PTPRM: variants seen among roughly 807,000 people sequenced by gnomAD.
The protein encoded by PTPRM is protein tyrosine phosphatase receptor type M.
Under a neutral mutation model 186.7 loss-of-function variants are expected in PTPRM, and 47 were observed. That is an observed-to-expected ratio of 0.25 (90% confidence interval 0.20 to 0.32). The LOEUF (loss-of-function observed/expected upper bound fraction) is 0.32, where lower values mean the gene tolerates loss of function less well. Among genes scored for constraint, PTPRM ranks in the 10% least tolerant of loss-of-function variants. The pLI is 1.00. For missense variants in PTPRM, 1,494 were observed against 1,865.0 expected, an observed-to-expected ratio of 0.80 and a Z score of 3.66; for synonymous variants, 668 against 674.9, an observed-to-expected ratio of 0.99 and a Z score of 0.16.
At chr18:8,258,818 G>C (rs2094599063) in intron 19 of PTPRM, among the ~76,000 whole-genome samples, 1 of 151,610 alleles carries the variant, frequency 6.6e-6, no homozygotes, top group Non-Finnish European at 1.5e-5. Flanking sequence ...CCAATTACTA[G>C]AGCTGAAACG....
intron 2 of PTPRM, among the ~76,000 whole-genome samples, chr18:7,783,747 T>TG (rs1568125557): frequency 4.9e-5 from 5 of 101,936 alleles, no homozygotes; most frequent in African/African-American, 2.1e-4. Context: ...AATTTTTAAT[T>TG]TTGTGTGTGT....
rs373861063 is a variant in PTPRM at position 8,193,193 on chromosome 18, T to C, written c.2300+49414T>C. On this transcript the variant is annotated intron_variant, in intron 14 of 32. Transcript: ENST00000580170. The stretch of plus-strand genomic sequence containing the variant: ...TATGTAAGATATAGATAGAGAGATA[T>C]TGAGAAACAGCAAGAGAAAGCCAAT... 2.0e-5 allele frequency among the ~76,000 whole-genome samples: 3 copies of C among 152,244 alleles called. No homozygotes were observed. The East Asian group carries it at 5.8e-4, about 29-fold the overall frequency.
chr18:8,065,238 C>T (rs886922662), intron 7 of PTPRM, among the ~76,000 whole-genome samples: 2 of 152,154 alleles, frequency 1.3e-5, no homozygotes, highest in African/African-American at 2.4e-5. Flanking sequence ...TTGATCCTAT[C>T]AGTCAGTTTT....
At chr18:8,345,913 T>C (rs930580280) in intron 23 of PTPRM, among the ~76,000 whole-genome samples, 3 of 151,910 alleles carry the variant, frequency 2.0e-5, no homozygotes, top group Non-Finnish European at 4.4e-5. Flanking sequence ...GATAGGAAAA[T>C]GTATGATAGT....
intron 22 of PTPRM, 96 bp downstream of exon 22, chr18:8,319,310 C>T (rs2095330913): frequency 1.2e-6 from 1 of 861,842 alleles, no homozygotes. Context: ...AGATATTGCA[C>T]ATTTATTGCG....
chr18:8,254,390 G>T (rs1415303182), intron 19 of PTPRM, among the ~76,000 whole-genome samples: 4 of 152,214 alleles, frequency 2.6e-5, no homozygotes, highest in African/African-American at 9.6e-5. Context: ...TGAGTGGGTG[G>T]TGTGGGGCCC....
At chr18:7,763,436 ATCATGTAAG>A (rs2041873737) in intron 1 of PTPRM, among the ~76,000 whole-genome samples, 1 of 152,168 alleles carries the variant, frequency 6.6e-6, no homozygotes, top group African/African-American at 2.4e-5. Context: ...CAATGTTGAA[ATCATGTAAG>A]TTGAGCATAC....
chr18:8,198,801 A>G (rs535517025), intron 14 of PTPRM, among the ~76,000 whole-genome samples: 1 of 152,314 alleles, frequency 6.6e-6, no homozygotes, highest in African/African-American at 2.4e-5. Flanking sequence ...GGGCTAAGAT[A>G]CCGATAGCCC....
At chr18:8,046,591 C>T (rs148142464) in intron 7 of PTPRM, among the ~76,000 whole-genome samples, 71 of 152,214 alleles carry the variant, frequency 4.7e-4, no homozygotes, top group African/African-American at 1.7e-3. Context: ...CCTATCCCAG[C>T]CCCTCCCCAG....
intron 14 of PTPRM, among the ~76,000 whole-genome samples, chr18:8,227,508 T>G (rs2094228552): frequency 6.6e-6 from 1 of 152,200 alleles, no homozygotes; most frequent in South Asian, 2.1e-4. Context: ...ATCACTTGGA[T>G]TTTATGAAGT....
intron 7 of PTPRM, among the ~76,000 whole-genome samples, chr18:8,000,429 G>A (rs532331693): frequency 6.6e-6 from 1 of 152,234 alleles, no homozygotes; most frequent in African/African-American, 2.4e-5. Context: ...CTTACTGTGT[G>A]CCAATAAGTG....
chr18:7,849,937 A>G (rs2046784686), intron 2 of PTPRM, among the ~76,000 whole-genome samples: 1 of 152,212 alleles, frequency 6.6e-6, no homozygotes, highest in Non-Finnish European at 1.5e-5. Context: ...GCTAACATGT[A>G]TTTGTAACAT....
chr18:8,088,650 G>T (rs78989742), intron 10 of PTPRM, 99 bp from the exon 11 acceptor site: 18,579 of 936,310 alleles, frequency 0.02, 264 homozygotes, highest in African/African-American at 0.037. Context: ...TAAAGTAAAT[G>T]CACTGTGTTC....
At chr18:7,723,861 C>T (rs148949605) in intron 1 of PTPRM, among the ~76,000 whole-genome samples, 16 of 152,302 alleles carry the variant, frequency 1.1e-4, no homozygotes, top group African/African-American at 3.6e-4. Context: ...CCTGCATTTC[C>T]CTCATAAGCA....
At position 8,069,826 on chromosome 18, in the gene PTPRM, G is replaced by A. The variant is rs769216825; in HGVS notation, c.1273G>A (p.Gly425Arg). 1.0e-4 allele frequency: 163 copies of A among 1,613,910 alleles called. No homozygotes were observed. Among genetic ancestry groups the A allele is most frequent in the Non-Finnish European group, 1.3e-4 (156 of 1,179,970 alleles). Residue 425 changes from glycine (G) to arginine (R), a missense_variant, in exon 8 of 33, where the codon GGA becomes AGA. This residue lies in a region of PTPRM where 1,107 missense variants were observed against 1,350.2 expected (regional missense o/e 0.82). Transcript: ENST00000580170. Reference sequence around the variant, plus strand: ...TGTCCACTACTGTTACCAAGTTGGAGGACAAGAACAAGTGCGAGAAGAAGT... The same window carrying A: ...TGTCCACTACTGTTACCAAGTTGGAAGACAAGAACAAGTGCGAGAAGAAGT... The part of the protein sequence containing the change: ...LTVHYCYQVG[G>R]QEQVREEVSW...
chr18:8,300,506 A>G (rs1047817342), intron 20 of PTPRM, among the ~76,000 whole-genome samples: 1 of 139,932 alleles, frequency 7.1e-6, no homozygotes, highest in African/African-American at 2.8e-5. Context: ...ACTTCATTAA[A>G]AAAAAAAAAA....
chr18:7,800,131 T>A (rs1490873001), intron 2 of PTPRM, among the ~76,000 whole-genome samples: 2 of 152,214 alleles, frequency 1.3e-5, no homozygotes, highest in Non-Finnish European at 2.9e-5. Context: ...TACCTATTAC[T>A]AGTATGAACA....
intron 19 of PTPRM, among the ~76,000 whole-genome samples, chr18:8,261,111 G>A (rs969004508): frequency 5.3e-5 from 8 of 152,320 alleles, no homozygotes; most frequent in African/African-American, 1.9e-4. Flanking sequence ...CTTTTCAGAT[G>A]TGCTTTTCAG....
chr18:8,318,045 C>G (rs2148055099), intron 21 of PTPRM, among the ~76,000 whole-genome samples: 1 of 152,208 alleles, frequency 6.6e-6, no homozygotes, highest in East Asian at 1.9e-4. Flanking sequence ...TTGTTTTCAA[C>G]TTGTTTTTAA....
Sources: allele counts gnomAD v4.1 joint callset (sites outside exome capture counted in the v4.1 genomes callset), GRCh38; gene constraint gnomAD v4.1.1; regional missense constraint gnomAD v4.1.1; transcripts MANE v1.5; gene names NCBI Gene and HGNC (gene_info 2026-07-23, HGNC 2026-07-21).